The following PCDH11Y variants were observed in gnomAD, a reference collection of about 807,000 sequenced individuals.
The protein encoded by PCDH11Y is protocadherin-11 Y-linked.
For synonymous variants in PCDH11Y, 9 were observed against 83.6 expected, an observed-to-expected ratio of 0.11 and a Z score of 4.87; for missense variants, 12 against 224.8, an observed-to-expected ratio of 0.05 and a Z score of 6.05.
Position 5,726,864 on chromosome Y carries a change from A to G in PCDH11Y, c.3353-10408A>G, listed in dbSNP as rs1569351034. Reference sequence around the variant, plus strand: ...AGTAAAGTTATATGTGTGTTCATGTATTTTCATGCCTGCAATTATGGTTTA... The same window carrying G: ...AGTAAAGTTATATGTGTGTTCATGTGTTTTCATGCCTGCAATTATGGTTTA... On this transcript the variant is annotated intron_variant, in intron 4 of 4. Coordinates refer to the PCDH11Y transcript ENST00000400457. Among the ~76,000 whole-genome samples the G allele has an allele frequency of 9.0e-5, 3 of 33,250 alleles. No individual in the cohort carries two copies. The East Asian group carries it at 2.3e-3, about 26-fold the overall frequency. 89.2% of individuals were successfully genotyped at this position (33,250 alleles called of 37,273 possible). A position where few individuals can be genotyped will look rare whatever the true frequency, so the allele number is the denominator to read the frequency against.
chrY:5,528,824 G>T (rs2053390175), intron 3 of PCDH11Y, among the ~76,000 whole-genome samples: 12 of 33,104 alleles, frequency 3.6e-4, no homozygotes, highest in Admixed American at 3.3e-3. Flanking sequence ...AAGCTGAATT[G>T]CAGGGATTTT....
chrY:5,636,227 A>G (rs2053517643), intron 4 of PCDH11Y, among the ~76,000 whole-genome samples: 1 of 33,895 alleles, frequency 3.0e-5, no homozygotes, highest in African/African-American at 1.2e-4. Context: ...GGTATTGTCC[A>G]GGCTGAATGT....
chrY:5,092,651 C>CATAAAATA (rs2052743462), intron 1 of PCDH11Y, among the ~76,000 whole-genome samples: 1 of 32,223 alleles, frequency 3.1e-5, no homozygotes. Context: ...TTTTCTAAAA[C>CATAAAATA]AGCCATTTTA....
At chrY:5,008,360 C>T (rs2052542570) in intron 1 of PCDH11Y, among the ~76,000 whole-genome samples, 1 of 32,747 alleles carries the variant, frequency 3.1e-5, no homozygotes, top group East Asian at 8.0e-4. Context: ...GGGTTTGTAT[C>T]ATATCAACCG....
At chrY:5,542,784 G>A (rs2053408937) in intron 3 of PCDH11Y, among the ~76,000 whole-genome samples, 38 of 31,816 alleles carry the variant, frequency 1.2e-3, no homozygotes, top group South Asian at 7.4e-3. Context: ...CTCCTATGAG[G>A]GATGTATATC....
At chrY:5,462,482 G>T (rs2124683923) in intron 2 of PCDH11Y, among the ~76,000 whole-genome samples, 1 of 32,522 alleles carries the variant, frequency 3.1e-5, no homozygotes, top group Non-Finnish European at 7.5e-5. Flanking sequence ...TCTCATCCTG[G>T]TCTATCTGAC....
chrY:5,395,069 T>A, intron 2 of PCDH11Y, among the ~76,000 whole-genome samples: 1 of 32,910 alleles, frequency 3.0e-5, no homozygotes, highest in Non-Finnish European at 7.4e-5. Context: ...TAGGTTAATA[T>A]TAACTGTAAT....
chrY:5,640,534 G>A, intron 4 of PCDH11Y, among the ~76,000 whole-genome samples: 3 of 33,379 alleles, frequency 9.0e-5, no homozygotes, highest in Admixed American at 2.7e-4. Flanking sequence ...TAATCTGCTC[G>A]TATGTCTCCA....
intron 3 of PCDH11Y, among the ~76,000 whole-genome samples, chrY:5,556,753 G>A: frequency 3.2e-5 from 1 of 31,151 alleles, no homozygotes; most frequent in Non-Finnish European, 7.8e-5. Context: ...TTTCCAGAAT[G>A]GTGTTTTCTA....
chrY:5,542,399 A>T, intron 3 of PCDH11Y, among the ~76,000 whole-genome samples: 2 of 32,328 alleles, frequency 6.2e-5, no homozygotes, highest in Non-Finnish European at 1.5e-4. Context: ...AAACTAAGAT[A>T]AGCAAATTAC....
intron 2 of PCDH11Y, among the ~76,000 whole-genome samples, chrY:5,385,225 T>G (rs2053212091): frequency 3.8e-5 from 1 of 26,217 alleles, no homozygotes; most frequent in Non-Finnish European, 8.9e-5. Flanking sequence ...GGGGATTTGT[T>G]AGATTTTTGT....
intron 2 of PCDH11Y, among the ~76,000 whole-genome samples, chrY:5,424,661 G>GT (rs2053261569): frequency 3.0e-5 from 1 of 33,528 alleles, no homozygotes. Context: ...TTAACATCAT[G>GT]TTTTTTCTAA....
chrY:5,358,070 G>A (rs2053169995), intron 2 of PCDH11Y, among the ~76,000 whole-genome samples: 1 of 33,144 alleles, frequency 3.0e-5, no homozygotes. Flanking sequence ...CCGAGTAGCT[G>A]GGATTGCAGG....
At chrY:5,195,396 G>A (rs2052917750) in intron 2 of PCDH11Y, among the ~76,000 whole-genome samples, 1 of 33,259 alleles carries the variant, frequency 3.0e-5, no homozygotes, top group African/African-American at 1.2e-4. Flanking sequence ...ACACAATGTT[G>A]GACCTCATAA....
intron 4 of PCDH11Y, among the ~76,000 whole-genome samples, chrY:5,648,010 C>G: frequency 3.0e-5 from 1 of 33,248 alleles, no homozygotes; most frequent in Non-Finnish European, 7.4e-5. Flanking sequence ...TTTAAAAATA[C>G]TACCTACAAA....
At chrY:5,634,327 C>T in intron 4 of PCDH11Y, among the ~76,000 whole-genome samples, 1 of 33,053 alleles carries the variant, frequency 3.0e-5, no homozygotes, top group African/African-American at 1.2e-4. Flanking sequence ...TCAAATAGTA[C>T]GATAATACGT....
In PCDH11Y at chrY:5,626,067, C is replaced by T; in HGVS notation, c.3352+44269C>T. Reference sequence around the variant, plus strand: ...TTTCTGTTTGTTAGGCTTTTCATTACTGATTCAACTTTAGAACTCCTTATT... The same window carrying T: ...TTTCTGTTTGTTAGGCTTTTCATTATTGATTCAACTTTAGAACTCCTTATT... On this transcript the variant is annotated intron_variant, in intron 4 of 4. Transcript: ENST00000400457. Among the ~76,000 whole-genome samples the T allele has an allele frequency of 1.6e-4, 5 of 30,903 alleles. No homozygotes were observed. In the South Asian group the frequency reaches 3.6e-3, roughly 22 times the overall value. 82.9% of individuals were successfully genotyped at this position (30,903 alleles called of 37,273 possible). A position where few individuals can be genotyped will look rare whatever the true frequency, so the allele number is the denominator to read the frequency against.
intron 2 of PCDH11Y, among the ~76,000 whole-genome samples, chrY:5,217,372 G>A (rs2052947833): frequency 3.0e-5 from 1 of 33,162 alleles, no homozygotes; most frequent in Non-Finnish European, 7.4e-5. Flanking sequence ...TATTTTAGAT[G>A]AGACAACTGA....
intron 1 of PCDH11Y, among the ~76,000 whole-genome samples, chrY:5,088,419 T>C (rs372550862): frequency 2.4e-4 from 8 of 33,621 alleles, no homozygotes; most frequent in African/African-American, 8.1e-4. Context: ...TAATTGGATA[T>C]TAATGGAAAT....
Sources: allele counts gnomAD v4.1 joint callset (sites outside exome capture counted in the v4.1 genomes callset), GRCh38; gene constraint gnomAD v4.1.1; transcripts MANE v1.5; gene names NCBI Gene and HGNC (gene_info 2026-07-23, HGNC 2026-07-21).